Variants in LINGO2 observed in about 807,000 individuals in gnomAD.
LINGO2 encodes the protein leucine rich repeat and Ig domain containing 2.
A neutral mutation model predicts 30.6 loss-of-function variants in LINGO2; 14 were observed. That is an observed-to-expected ratio of 0.46 (90% CI 0.30 to 0.72). The LOEUF is 0.72. LINGO2 is among the 30% of genes least tolerant of loss of function. The probability of loss-of-function intolerance (pLI) is 0.07; values close to 1 mark genes in which losing one functional copy is unlikely to be tolerated. For missense variants in LINGO2, 729 were observed against 751.7 expected, an observed-to-expected ratio of 0.97 and a Z score of 0.35; for synonymous variants, 317 against 288.5, an observed-to-expected ratio of 1.10 and a Z score of -1.00.
intron 4 of LINGO2, among the ~76,000 whole-genome samples, chr9:28,093,028 A>C (rs1198852583): frequency 6.6e-6 from 1 of 152,082 alleles, no homozygotes; most frequent in Non-Finnish European, 1.5e-5. Flanking sequence ...GTATAGGGTC[A>C]CACAGACTTA....
chr9:28,873,905 A>G, the LINGO2 span, among the ~76,000 whole-genome samples: 1 of 151,892 alleles, frequency 6.6e-6, no homozygotes, highest in Non-Finnish European at 1.5e-5. Flanking sequence ...AGCTGAAATG[A>G]ATATCTCTAT....
At chr9:28,816,753 G>C in the LINGO2 span, among the ~76,000 whole-genome samples, 1 of 152,148 alleles carries the variant, frequency 6.6e-6, no homozygotes, top group African/African-American at 2.4e-5. Flanking sequence ...CTTGTAAAAT[G>C]AACTAGATAT....
the LINGO2 span, among the ~76,000 whole-genome samples, chr9:28,892,737 C>A: frequency 6.6e-6 from 1 of 151,932 alleles, no homozygotes; most frequent in Non-Finnish European, 1.5e-5. Flanking sequence ...AGTTTCTATT[C>A]TGAGTCATAC....
rs117117489 is a variant in LINGO2 at position 28,298,159 on chromosome 9, A to G, written c.-245-2793T>C. 8.1e-3 allele frequency among the ~76,000 whole-genome samples: 1,233 copies of G among 152,258 alleles called. 22 individuals are homozygous for G. Among genetic ancestry groups the G allele is most frequent in the South Asian group, 0.043 (208 of 4,818 alleles). On this transcript the variant is annotated intron_variant, in intron 3 of 5. Transcript: ENST00000379992. ...TCACTTATCTCTCTCCAAATATGTT[A>G]TTAATGAGAATACAATGAAAACAAA...
At chr9:29,137,465 G>A in the LINGO2 span, among the ~76,000 whole-genome samples, 1 of 152,124 alleles carries the variant, frequency 6.6e-6, no homozygotes, top group Non-Finnish European at 1.5e-5. Flanking sequence ...TATAGGGGAG[G>A]AGAATGATTT....
chr9:28,757,491 C>A, the LINGO2 span, among the ~76,000 whole-genome samples: 30 of 151,988 alleles, frequency 2.0e-4, no homozygotes, highest in African/African-American at 6.8e-4. Flanking sequence ...TAACTTGACC[C>A]CCCTAAGACA....
Position 28,130,732 on chromosome 9 carries a change from T to C in LINGO2, c.-86-118327A>G, listed in dbSNP as rs1319784125. ...CAGAGTTTCAGATAATAGAGAAGAG[T>C]AGGACACTGTTCTTATTATATTATC... On this transcript the variant is annotated intron_variant, in intron 4 of 5. Transcript: ENST00000379992. The surrounding 1 kb of genome is among the most constrained non-coding windows in gnomAD (Gnocchi z 5.2). Among the ~76,000 whole-genome samples, 1 of 151,878 alleles carries C rather than the reference T, an allele frequency of 6.6e-6. No individual in the cohort carries two copies.
chr9:28,686,477 G>C, the LINGO2 span, among the ~76,000 whole-genome samples: 1 of 151,962 alleles, frequency 6.6e-6, no homozygotes, highest in East Asian at 1.9e-4. Context: ...TTTGACTGAA[G>C]CACCAGGTGG....
At chr9:28,072,714 A>T (rs1825515102) in intron 4 of LINGO2, among the ~76,000 whole-genome samples, 1 of 152,136 alleles carries the variant, frequency 6.6e-6, no homozygotes, top group African/African-American at 2.4e-5. Flanking sequence ...CTGTTATTTC[A>T]TCTGTACCTT....
chr9:28,557,076 C>T (rs908443161), intron 1 of LINGO2, among the ~76,000 whole-genome samples: 5 of 152,054 alleles, frequency 3.3e-5, no homozygotes, highest in Admixed American at 1.3e-4. Context: ...CCATTCAGGA[C>T]ATAGGCATGG....
rs1170938474 is a variant in LINGO2, at chr9:28,511,160, T to C, written c.-364-35135A>G. Among the ~76,000 whole-genome samples, 3 of 152,134 alleles carry C rather than the reference T, an allele frequency of 2.0e-5. 1 individual carries two copies. The highest frequency in any genetic ancestry group is 2.9e-5 in the Non-Finnish European group (2 of 68,020). On this transcript the variant is annotated intron_variant, in intron 1 of 5. Transcript: ENST00000379992. ...CTTTCAGTCCAATCAAGTTGATGCT[T>C]AGTATTAACCATCACAAGTCCACCC...
At chr9:28,587,878 T>C (rs1392417886) in intron 1 of LINGO2, among the ~76,000 whole-genome samples, 7 of 151,940 alleles carry the variant, frequency 4.6e-5, no homozygotes, top group African/African-American at 1.7e-4. Flanking sequence ...AAGAACATTT[T>C]TGTGAAAACA....
At chr9:29,065,982 T>G in the LINGO2 span, among the ~76,000 whole-genome samples, 1 of 151,958 alleles carries the variant, frequency 6.6e-6, no homozygotes, top group African/African-American at 2.4e-5. Flanking sequence ...TTAAGCAAAG[T>G]TAAAGGCAGA....
intron 5 of LINGO2, among the ~76,000 whole-genome samples, chr9:28,003,338 G>GATATAT (rs147286017): frequency 4.9e-4 from 65 of 133,968 alleles, no homozygotes; most frequent in South Asian, 2.2e-3. Flanking sequence ...TAGATATATA[G>GATATAT]ATATATAGAT....
intron 5 of LINGO2, chr9:28,012,238 C>T (rs1822593266): frequency 6.6e-6 from 1 of 151,750 alleles, no homozygotes; most frequent in South Asian, 2.1e-4. Context: ...TATAAGGTCA[C>T]ATACATATGA....
the LINGO2 span, among the ~76,000 whole-genome samples, chr9:28,857,483 G>T: frequency 6.6e-6 from 1 of 152,144 alleles, no homozygotes; most frequent in African/African-American, 2.4e-5. Context: ...CACCTACAGG[G>T]ATTAAGTGGT....
At chr9:28,264,038 G>A (rs1822659168) in intron 4 of LINGO2, among the ~76,000 whole-genome samples, 1 of 150,530 alleles carries the variant, frequency 6.6e-6, no homozygotes. Flanking sequence ...TATACCACGA[G>A]CTCTCATTAC....
chr9:28,281,598 C>G (rs903717934), intron 4 of LINGO2, among the ~76,000 whole-genome samples: 4 of 152,050 alleles, frequency 2.6e-5, no homozygotes, highest in South Asian at 2.1e-4. Context: ...AAGAATGCTA[C>G]AGTAAAGGGG....
At chr9:28,298,926 T>G (rs1306425647) in intron 3 of LINGO2, among the ~76,000 whole-genome samples, 2 of 152,218 alleles carry the variant, frequency 1.3e-5, no homozygotes. Context: ...GCTGTTTTCC[T>G]GTTTGTTGGC....
Sources: allele counts gnomAD v4.1 joint callset (sites outside exome capture counted in the v4.1 genomes callset), GRCh38; gene constraint gnomAD v4.1.1; non-coding constraint Gnocchi (gnomAD v3.1); transcripts MANE v1.5; gene names NCBI Gene and HGNC (gene_info 2026-07-23, HGNC 2026-07-21).